SOX5: variants seen among roughly 807,000 people sequenced by gnomAD.
SOX5 encodes the protein transcription factor SOX-5.
SOX5 carries 9 observed loss-of-function variants against 92.0 expected under a neutral mutation model. The ratio of observed to expected loss-of-function variants is 0.10; its 90% CI spans 0.06 to 0.17. The LOEUF (loss-of-function observed/expected upper bound fraction) is 0.17, where lower values mean the gene tolerates loss of function less well. Among genes scored for constraint, SOX5 ranks in the 10% least tolerant of loss-of-function variants. SOX5 has a pLI of 1.00. For missense variants in SOX5, 642 were observed against 944.5 expected (o/e 0.68, Z 4.20); for synonymous variants, 344 against 336.3 (o/e 1.02, Z -0.25).
At chr12:23,841,986 A>T (rs1194448606) in intron 3 of SOX5, among the ~76,000 whole-genome samples, 2 of 152,126 alleles carry the variant, frequency 1.3e-5, no homozygotes, top group Non-Finnish European at 2.9e-5. Flanking sequence ...ATTTTAAAAA[A>T]TCATAGAGGA....
At chr12:24,000,338 G>T (rs909527365) in intron 4 of SOX5, among the ~76,000 whole-genome samples, 2 of 151,780 alleles carry the variant, frequency 1.3e-5, no homozygotes, top group African/African-American at 4.8e-5. Flanking sequence ...ACAGGTATAA[G>T]ATTGTACACA....
At chr12:24,138,311 T>C (rs781224883) in intron 4 of SOX5, among the ~76,000 whole-genome samples, 3 of 152,266 alleles carry the variant, frequency 2.0e-5, no homozygotes, top group Non-Finnish European at 4.4e-5. Context: ...TTTCTCCTGT[T>C]CATCTGCGAA....
intron 3 of SOX5, among the ~76,000 whole-genome samples, chr12:23,770,740 T>C (rs2094905574): frequency 1.3e-5 from 2 of 152,172 alleles, no homozygotes; most frequent in Admixed American, 1.3e-4. Flanking sequence ...AAGATTCCTT[T>C]ATGAACTGGG....
intron 4 of SOX5, among the ~76,000 whole-genome samples, chr12:24,088,526 C>T (rs1053210934): frequency 6.6e-6 from 1 of 151,744 alleles, no homozygotes; most frequent in African/African-American, 2.4e-5. Flanking sequence ...CGAGAGAAAA[C>T]ACACATATGA....
intron 8 of SOX5, among the ~76,000 whole-genome samples, chr12:23,605,718 C>G (rs73275907): frequency 0.013 from 1,904 of 151,804 alleles, 43 homozygotes; most frequent in African/African-American, 0.043. Context: ...TTAGCAGTGT[C>G]TCTCTCTAAA....
chr12:23,851,923 T>C (rs951102393), intron 2 of SOX5, among the ~76,000 whole-genome samples: 3 of 152,090 alleles, frequency 2.0e-5, no homozygotes, highest in Admixed American at 6.5e-5. Context: ...GAAAGCAACA[T>C]ATATGCATTT....
chr12:24,166,713 C>T lies in SOX5; in HGVS notation c.-2+46630G>A, dbSNP rs567911989. Among the ~76,000 whole-genome samples, 7 of 152,310 alleles carry T rather than the reference C, an allele frequency of 4.6e-5. No individual in the cohort carries two copies. In the South Asian group the frequency reaches 8.3e-4, roughly 18 times the overall value. ...CCCAAAATCATGTTTTTAAGACTTA[C>T]GCATGCTATTGCACATAAAGCTAAT... On this transcript the variant is annotated intron_variant, in intron 4 of 4. Transcript: ENST00000446891.
chr12:24,296,749 C>G (rs1286905637), intron 2 of SOX5, among the ~76,000 whole-genome samples: 1 of 150,728 alleles, frequency 6.6e-6, no homozygotes, highest in Non-Finnish European at 1.5e-5. Flanking sequence ...GATTTCTTGT[C>G]CTAACTAAGG....
chr12:23,549,289 CAAAT>C (rs913221087), intron 11 of SOX5, among the ~76,000 whole-genome samples: 2 of 151,754 alleles, frequency 1.3e-5, no homozygotes, highest in African/African-American at 4.8e-5. Flanking sequence ...TTTGGGAAAA[CAAAT>C]AAATGTTGAT....
At chr12:23,972,578 C>T (rs139010242) in intron 4 of SOX5, among the ~76,000 whole-genome samples, 4,806 of 152,114 alleles carry the variant, frequency 0.032, 114 homozygotes, top group African/African-American at 0.069. Context: ...AGGCTAGTCT[C>T]GAACTCCTAA....
intron 1 of SOX5, among the ~76,000 whole-genome samples, chr12:24,372,835 G>A (rs1475114465): frequency 1.3e-5 from 2 of 151,886 alleles, no homozygotes; most frequent in African/African-American, 2.4e-5. Flanking sequence ...AACAGACTTG[G>A]GGATGGGTGC....
chr12:24,178,204 G>A (rs1448842772), intron 4 of SOX5, among the ~76,000 whole-genome samples: 1 of 146,910 alleles, frequency 6.8e-6, no homozygotes, highest in Non-Finnish European at 1.5e-5. Flanking sequence ...TTTCAGTTTG[G>A]AAAGTACAAA....
chr12:24,535,716 G>A (rs967947247), intron 1 of SOX5, among the ~76,000 whole-genome samples: 4 of 152,300 alleles, frequency 2.6e-5, no homozygotes, highest in Admixed American at 1.3e-4. Flanking sequence ...TAAGGTATCT[G>A]TTGAAACTGC....
intron 1 of SOX5, among the ~76,000 whole-genome samples, chr12:23,913,692 C>T (rs2097377684): frequency 6.7e-6 from 1 of 149,416 alleles, no homozygotes; most frequent in Non-Finnish European, 1.5e-5. Context: ...GCCGAGATTG[C>T]ACCACTGCAC....
chr12:24,037,895 T>A (rs900122296), intron 4 of SOX5, among the ~76,000 whole-genome samples: 1 of 152,092 alleles, frequency 6.6e-6, no homozygotes, highest in Non-Finnish European at 1.5e-5. Flanking sequence ...CCAGTTGCAA[T>A]TTTTTACACA....
At chr12:24,314,786 A>C (rs564483309) in intron 2 of SOX5, among the ~76,000 whole-genome samples, 1 of 152,122 alleles carries the variant, frequency 6.6e-6, no homozygotes, top group Admixed American at 6.5e-5. Context: ...TCCTTGTTTT[A>C]CTCTGTCCAC....
intron 2 of SOX5, among the ~76,000 whole-genome samples, chr12:24,297,315 G>A (rs772404530): frequency 9.2e-5 from 14 of 152,160 alleles, no homozygotes; most frequent in Non-Finnish European, 1.2e-4. Context: ...AACAACCAGC[G>A]CTGAGCTTCA....
At chr12:23,801,830 G>A (rs1184735087) in intron 3 of SOX5, among the ~76,000 whole-genome samples, 1 of 152,024 alleles carries the variant, frequency 6.6e-6, no homozygotes, top group Admixed American at 6.6e-5. Context: ...ATAGTTAGGG[G>A]AAACAAACTA....
chr12:23,692,196 G>T (rs1198656788), intron 6 of SOX5, among the ~76,000 whole-genome samples: 1 of 152,024 alleles, frequency 6.6e-6, no homozygotes, highest in African/African-American at 2.4e-5. Flanking sequence ...ACCTTGGGAG[G>T]CCGAGACAGG....
Sources: gnomAD v4.1 joint callset for allele counts (sites outside exome capture counted in the v4.1 genomes callset) on GRCh38, gnomAD v4.1.1 for gene constraint, MANE v1.5 for transcripts, NCBI Gene and HGNC (gene_info 2026-07-23, HGNC 2026-07-21) for gene names.